MRPS28: variants seen among roughly 807,000 people sequenced by gnomAD.
MRPS28 encodes mitochondrial ribosomal protein S28.
A neutral mutation model predicts 10.8 loss-of-function variants in MRPS28; 7 were observed. The observed-to-expected ratio is 0.65, with a 90% confidence interval of 0.37 to 1.22. MRPS28 has a LOEUF of 1.22. MRPS28 is among the 50% of genes most tolerant of loss of function. MRPS28 has a pLI of 0.02. For missense variants in MRPS28, 265 were observed against 232.9 expected, an observed-to-expected ratio of 1.14 and a Z score of -0.90; for synonymous variants, 121 against 93.3, an observed-to-expected ratio of 1.30 and a Z score of -1.71.
intron 1 of MRPS28, among the ~76,000 whole-genome samples, chr8:80,007,828 A>G (rs1336995389): frequency 2.0e-5 from 3 of 152,194 alleles, no homozygotes; most frequent in Non-Finnish European, 2.9e-5. Flanking sequence ...AATCAATATC[A>G]TGAAAATGGC....
At chr8:79,922,240 A>C (rs915630491) in intron 2 of MRPS28, among the ~76,000 whole-genome samples, 1 of 152,206 alleles carries the variant, frequency 6.6e-6, no homozygotes, top group African/African-American at 2.4e-5. Context: ...AACCAGGCAC[A>C]GCATGACAAA....
intron 1 of MRPS28, among the ~76,000 whole-genome samples, chr8:80,023,953 G>C (rs991178828): frequency 6.6e-6 from 1 of 152,240 alleles, no homozygotes. Context: ...GGACGGCCTG[G>C]TGTGGTGGCT....
chr8:79,933,050 C>G (rs4740050), intron 2 of MRPS28, among the ~76,000 whole-genome samples: 1 of 152,182 alleles, frequency 6.6e-6, no homozygotes, highest in African/African-American at 2.4e-5. Flanking sequence ...GCAGTGGGAT[C>G]TGGGGAAGCA....
intron 1 of MRPS28, among the ~76,000 whole-genome samples, chr8:80,017,773 G>A (rs1311900237): frequency 1.3e-5 from 2 of 151,996 alleles, no homozygotes; most frequent in Non-Finnish European, 1.5e-5. Flanking sequence ...ACCACACAAA[G>A]ACATTACAAG....
At chr8:80,013,516 C>G (rs1268563059) in intron 1 of MRPS28, among the ~76,000 whole-genome samples, 1 of 151,184 alleles carries the variant, frequency 6.6e-6, no homozygotes, top group Non-Finnish European at 1.5e-5. Flanking sequence ...TGCCTGTAAT[C>G]CTAGCTACTC....
At chr8:80,016,897 G>C (rs1586099453) in intron 1 of MRPS28, among the ~76,000 whole-genome samples, 1 of 152,156 alleles carries the variant, frequency 6.6e-6, no homozygotes. Flanking sequence ...AGATCCAGCA[G>C]GGAGAAAATC....
At chr8:80,015,883 G>A (rs1025972807) in intron 1 of MRPS28, among the ~76,000 whole-genome samples, 2 of 151,884 alleles carry the variant, frequency 1.3e-5, no homozygotes, top group African/African-American at 4.8e-5. Context: ...CGAAAGCCCT[G>A]TAACAGAAAT....
intron 1 of MRPS28, among the ~76,000 whole-genome samples, chr8:80,005,584 C>T (rs1033244935): frequency 3.9e-5 from 6 of 152,156 alleles, no homozygotes; most frequent in Admixed American, 3.9e-4. Flanking sequence ...AACTAATGAG[C>T]AAAACAACCA....
At chr8:79,986,400 A>G (rs1384567946) in intron 2 of MRPS28, among the ~76,000 whole-genome samples, 1 of 152,212 alleles carries the variant, frequency 6.6e-6, no homozygotes, top group Non-Finnish European at 1.5e-5. Context: ...CTCCTATTCA[A>G]CATAGTGTTG....
intron 2 of MRPS28, among the ~76,000 whole-genome samples, chr8:79,948,926 TTCTTA>T (rs759172974): frequency 1.8e-4 from 27 of 152,306 alleles, no homozygotes; most frequent in Non-Finnish European, 3.8e-4. Context: ...CAGCTCTCTT[TTCTTA>T]TGACACCTTT....
At chr8:79,974,217 C>T (rs535098738) in intron 2 of MRPS28, among the ~76,000 whole-genome samples, 1 of 152,196 alleles carries the variant, frequency 6.6e-6, no homozygotes, top group South Asian at 2.1e-4. Context: ...ATAACTAGCA[C>T]CCTCATAGAA....
Position 80,014,316 on chromosome 8 carries a change from T to TA in MRPS28, c.214-11137dup, listed in dbSNP as rs376641662. ...AATAAATATATTTTTTCTCTTCCCT[T>TA]AAAAAAATCAAACAAATTGTACAGA... On this transcript the variant is annotated intron_variant, in intron 1 of 2. Transcript: ENST00000276585. 5.4e-3 allele frequency among the ~76,000 whole-genome samples: 817 copies of TA among 152,220 alleles called. 5 individuals are homozygous for TA. The highest frequency in any genetic ancestry group is 0.019 in the African/African-American group (776 of 41,540).
At chr8:80,028,658 C>CGG (rs572814570) in intron 1 of MRPS28, 1 of 6,458 alleles carries the variant, frequency 1.5e-4, no homozygotes, top group Non-Finnish European at 3.8e-4. Context: ...GCGGGGGGGG[C>CGG]GGGGCCGGGC....
At chr8:79,934,373 CTCCTT>C in intron 2 of MRPS28, among the ~76,000 whole-genome samples, 1 of 152,254 alleles carries the variant, frequency 6.6e-6, no homozygotes, top group Middle Eastern at 3.4e-3. Context: ...TTTTTATAGT[CTCCTT>C]TCCCTTCCTG....
intron 2 of MRPS28, among the ~76,000 whole-genome samples, chr8:79,976,475 T>G (rs560228144): frequency 3.3e-5 from 5 of 152,116 alleles, no homozygotes; most frequent in Non-Finnish European, 7.4e-5. Flanking sequence ...GAGGCCAAGG[T>G]AGACGGATCT....
chr8:79,953,951 C>T lies in MRPS28; in HGVS notation c.396-34803G>A, dbSNP rs188385342. ...GACAATAAACATGAAAAGTTCTCAA[C>T]CTCAAGAAAATACAAATTAAAACTG... On this transcript the variant is annotated intron_variant, in intron 2 of 2. Coordinates refer to ENST00000276585, the MANE Select transcript of MRPS28 (RefSeq NM_014018.3). Among the ~76,000 whole-genome samples the T allele has an allele frequency of 1.4e-3, 210 of 152,300 alleles. 1 individual carries two copies. Among genetic ancestry groups the T allele is most frequent in the Non-Finnish European group, 2.5e-3 (170 of 68,030 alleles).
At chr8:79,922,217 G>A (rs549889203) in intron 2 of MRPS28, among the ~76,000 whole-genome samples, 20 of 152,142 alleles carry the variant, frequency 1.3e-4, no homozygotes, top group Non-Finnish European at 2.5e-4. Context: ...GGATGAACCT[G>A]GAGGACTTTA....
chr8:79,983,803 G>A (rs952930472), intron 2 of MRPS28, among the ~76,000 whole-genome samples: 20 of 152,238 alleles, frequency 1.3e-4, no homozygotes, highest in African/African-American at 4.8e-4. Context: ...TCTGATTGGT[G>A]TACCTGAAAG....
At chr8:80,001,160 T>C (rs1288222582) in intron 2 of MRPS28, among the ~76,000 whole-genome samples, 2 of 152,212 alleles carry the variant, frequency 1.3e-5, no homozygotes, top group African/African-American at 2.4e-5. Context: ...TCCAGTTGCA[T>C]GTTAGGTCAG....
Sources: allele counts gnomAD v4.1 joint callset (sites outside exome capture counted in the v4.1 genomes callset), GRCh38; gene constraint gnomAD v4.1.1; transcripts MANE v1.5; gene names NCBI Gene and HGNC (gene_info 2026-07-23, HGNC 2026-07-21).